The following FRMPD2 variants were observed in gnomAD, a reference collection of about 807,000 sequenced individuals.
FRMPD2 encodes the protein FERM and PDZ domain-containing protein 2.
Under a neutral mutation model 140.1 loss-of-function variants are expected in FRMPD2, and 96 were observed. The ratio of observed to expected loss-of-function variants is 0.69; its 90% CI spans 0.58 to 0.81. The LOEUF (loss-of-function observed/expected upper bound fraction) is 0.81, where lower values mean the gene tolerates loss of function less well. Ranked by LOEUF, FRMPD2 falls within the 40% of genes least tolerant of loss-of-function variation. FRMPD2 has a pLI of 0.00. For synonymous variants in FRMPD2, 449 were observed against 547.6 expected (o/e 0.82, Z 2.52); for missense variants, 1,240 against 1,447.4 (o/e 0.86, Z 2.32).
chr10:48,268,911 G>A (rs1255477264), intron 1 of FRMPD2, among the ~76,000 whole-genome samples: 2 of 152,168 alleles, frequency 1.3e-5, no homozygotes, highest in Non-Finnish European at 1.5e-5. Context: ...GAAGAGTATA[G>A]GGACTTCTCT....
chr10:48,197,490 C>A (rs1210906163), intron 15 of FRMPD2, among the ~76,000 whole-genome samples: 1 of 152,206 alleles, frequency 6.6e-6, no homozygotes, highest in Admixed American at 6.5e-5. Context: ...CTCCACAGGC[C>A]ACATTCCAAG....
At chr10:48,171,551 T>C (rs1554791692) in intron 25 of FRMPD2, among the ~76,000 whole-genome samples, 3 of 152,302 alleles carry the variant, frequency 2.0e-5, no homozygotes, top group Admixed American at 2.0e-4. Flanking sequence ...TAATCCCATA[T>C]ATCTAAAATA....
chr10:48,251,861 G>A lies in FRMPD2; in HGVS notation c.26-170C>T, dbSNP rs978520268. 1.4e-5 allele frequency: 9 copies of A among 649,160 alleles called. No homozygotes were observed. In the Admixed American group the frequency reaches 2.0e-4, roughly 15 times the overall value. 40.2% of individuals were successfully genotyped at this position (649,160 alleles called of 1,614,324 possible). On this transcript the variant is annotated intron_variant, in intron 1 of 28. Coordinates refer to ENST00000374201, the MANE Select transcript of FRMPD2 (RefSeq NM_001018071.4). Reference sequence around the variant, plus strand: ...TCAGGCACAGAGCCAAGCACACAGAGGAGTTAAAGAAATGTTAATTGGAGG... The same window carrying A: ...TCAGGCACAGAGCCAAGCACACAGAAGAGTTAAAGAAATGTTAATTGGAGG...
At chr10:48,203,027 T>C (rs932955660) in intron 14 of FRMPD2, among the ~76,000 whole-genome samples, 1 of 152,112 alleles carries the variant, frequency 6.6e-6, no homozygotes, top group Non-Finnish European at 1.5e-5. Flanking sequence ...CTCGAACTCC[T>C]GGAGTTAAGT....
chr10:48,216,216 A>T (rs1588835100), intron 12 of FRMPD2, among the ~76,000 whole-genome samples: 3 of 152,204 alleles, frequency 2.0e-5, no homozygotes, highest in East Asian at 3.8e-4. Context: ...CTCTAGATAG[A>T]CAGACAGAAA....
intron 12 of FRMPD2, among the ~76,000 whole-genome samples, chr10:48,221,876 G>T (rs1839594368): frequency 6.6e-6 from 1 of 151,976 alleles, no homozygotes; most frequent in South Asian, 2.1e-4. Context: ...ATGGATGGGT[G>T]GATGGATGGG....
At chr10:48,241,809 G>C (rs558023936) in intron 5 of FRMPD2, among the ~76,000 whole-genome samples, 2 of 152,324 alleles carry the variant, frequency 1.3e-5, no homozygotes, top group East Asian at 3.9e-4. Flanking sequence ...AGAACCTAGA[G>C]TTGAATTTTG....
intron 1 of FRMPD2, among the ~76,000 whole-genome samples, chr10:48,257,004 G>T (rs1363338737): frequency 6.6e-6 from 1 of 152,092 alleles, no homozygotes; most frequent in Non-Finnish European, 1.5e-5. Context: ...AGTTTGACTG[G>T]GTTGAAGTCA....
chr10:48,181,089 T>C (rs560056784), intron 20 of FRMPD2, 81 bp from the exon 21 acceptor site: 1 of 773,294 alleles, frequency 1.3e-6, no homozygotes, highest in Non-Finnish European at 2.4e-6. Flanking sequence ...CACAGCGTTT[T>C]CCTCCAGTGA....
chr10:48,175,649 C>T (rs1274436471), intron 23 of FRMPD2, among the ~76,000 whole-genome samples, 197 bp downstream of exon 23: 4 of 151,970 alleles, frequency 2.6e-5, no homozygotes, highest in Non-Finnish European at 5.9e-5. Flanking sequence ...ACTGCAGACC[C>T]CCCAACCTAT....
At chr10:48,196,824 C>T (rs921222575) in intron 15 of FRMPD2, among the ~76,000 whole-genome samples, 1 of 152,208 alleles carries the variant, frequency 6.6e-6, no homozygotes, top group East Asian at 1.9e-4. Flanking sequence ...CCTAAAAACT[C>T]CTAAGACAGT....
At chr10:48,251,184 C>T (rs10857551) in intron 2 of FRMPD2, among the ~76,000 whole-genome samples, 297 of 152,256 alleles carry the variant, frequency 2.0e-3, no homozygotes, top group Non-Finnish European at 2.9e-3. Context: ...CCACACCCTG[C>T]CTCTCATCTC....
intron 20 of FRMPD2, among the ~76,000 whole-genome samples, chr10:48,184,056 C>T (rs1300645126): frequency 6.6e-6 from 1 of 151,874 alleles, no homozygotes; most frequent in East Asian, 1.9e-4. Flanking sequence ...GTATAGCAAC[C>T]CCTGTGACAC....
At chr10:48,176,491 T>G (rs1838412866) in intron 22 of FRMPD2, 1 of 152,796 alleles carries the variant, frequency 6.5e-6, no homozygotes, top group African/African-American at 2.4e-5. Context: ...AAAATTTTAT[T>G]TTAATTTAAT....
At chr10:48,221,971 T>C (rs1436885763) in intron 12 of FRMPD2, among the ~76,000 whole-genome samples, 1 of 140,652 alleles carries the variant, frequency 7.1e-6, no homozygotes, top group Admixed American at 7.5e-5. Flanking sequence ...GGTGGATGGA[T>C]GGATGGTTGG....
At chr10:48,215,937 A>G (rs1839437146) in intron 12 of FRMPD2, among the ~76,000 whole-genome samples, 1 of 152,232 alleles carries the variant, frequency 6.6e-6, no homozygotes, top group African/African-American at 2.4e-5. Flanking sequence ...AGTTAAATCC[A>G]TAGACTGAGT....
intron 1 of FRMPD2, among the ~76,000 whole-genome samples, chr10:48,253,527 G>A (rs148302295): frequency 1.3e-5 from 2 of 152,196 alleles, no homozygotes; most frequent in East Asian, 3.9e-4. Flanking sequence ...GCACAAAGCA[G>A]TTAGAAAAAC....
chr10:48,209,609 G>A (rs1201609689), intron 13 of FRMPD2, among the ~76,000 whole-genome samples: 1 of 152,192 alleles, frequency 6.6e-6, no homozygotes, highest in East Asian at 1.9e-4. Context: ...CTCTGTGATG[G>A]GCACTGAGGA....
chr10:48,205,599 G>A (rs1261738191), intron 14 of FRMPD2, among the ~76,000 whole-genome samples: 1 of 152,088 alleles, frequency 6.6e-6, no homozygotes, highest in African/African-American at 2.4e-5. Flanking sequence ...TAAACTTTCA[G>A]TTTAGTTAAT....
Sources: allele counts gnomAD v4.1 joint callset (sites outside exome capture counted in the v4.1 genomes callset), GRCh38; gene constraint gnomAD v4.1.1; transcripts MANE v1.5; gene names NCBI Gene and HGNC (gene_info 2026-07-23, HGNC 2026-07-21).